ZNF573: variants seen among roughly 807,000 people sequenced by gnomAD.
ZNF573 encodes the protein zinc finger protein 573.
In ZNF573, 41 loss-of-function variants were observed where a neutral mutation model predicts 57.4. The ratio of observed to expected loss-of-function variants is 0.71; its 90% CI spans 0.56 to 0.93. The LOEUF (loss-of-function observed/expected upper bound fraction) is 0.93. ZNF573 is among the 40% of genes least tolerant of loss of function. The probability of loss-of-function intolerance (pLI) is 0.00; values close to 1 mark genes in which losing one functional copy is unlikely to be tolerated. For missense variants in ZNF573, 730 were observed against 794.8 expected, an observed-to-expected ratio of 0.92 and a Z score of 0.98; for synonymous variants, 249 against 261.0, an observed-to-expected ratio of 0.95 and a Z score of 0.44.
At chr19:37,774,699 T>C (rs898055981) in intron 1 of ZNF573, among the ~76,000 whole-genome samples, 6 of 152,200 alleles carry the variant, frequency 3.9e-5, no homozygotes, top group African/African-American at 1.4e-4. Context: ...TACAATATCA[T>C]TGGATCGTTA....
At chr19:37,766,641 A>G (rs1176986332) in intron 4 of ZNF573, among the ~76,000 whole-genome samples, 1 of 152,204 alleles carries the variant, frequency 6.6e-6, no homozygotes. Context: ...CAAACTTTTA[A>G]TTCTCAGTAA....
intron 4 of ZNF573, 28 bp from the exon 5 acceptor site, chr19:37,740,222 A>T (rs746676338): frequency 2.0e-6 from 3 of 1,524,112 alleles, no homozygotes; most frequent in Non-Finnish European, 2.6e-6. Flanking sequence ...AACAAAAAAA[A>T]TTTGTATTTC....
intron 4 of ZNF573, among the ~76,000 whole-genome samples, chr19:37,755,828 T>C (rs1256160211): frequency 2.7e-5 from 3 of 110,466 alleles, no homozygotes; most frequent in African/African-American, 8.6e-5. Flanking sequence ...GCAAAATGGT[T>C]CTTCGCAAAA....
intron 2 of ZNF573, 91 bp downstream of exon 2, chr19:37,773,570 G>A (rs1286073516): frequency 4.3e-6 from 4 of 925,030 alleles, no homozygotes; most frequent in Non-Finnish European, 6.5e-6. Flanking sequence ...AACTGAAGGA[G>A]GCCTTCTTAA....
intron 4 of ZNF573, among the ~76,000 whole-genome samples, chr19:37,765,213 TTAAC>T (rs1435871390): frequency 6.6e-6 from 1 of 152,098 alleles, no homozygotes; most frequent in Non-Finnish European, 1.5e-5. Flanking sequence ...TTTTCTATCT[TTAAC>T]TGGTAAAAAG....
chr19:37,752,789 C>T (rs1055856793), intron 4 of ZNF573, among the ~76,000 whole-genome samples: 1 of 152,090 alleles, frequency 6.6e-6, no homozygotes, highest in Non-Finnish European at 1.5e-5. Flanking sequence ...CACATGCCAC[C>T]GTGCCTGGCT....
At chr19:37,766,752 A>G (rs1269995363) in intron 4 of ZNF573, among the ~76,000 whole-genome samples, 1 of 152,214 alleles carries the variant, frequency 6.6e-6, no homozygotes, top group Non-Finnish European at 1.5e-5. Flanking sequence ...TCTGTCTGGT[A>G]TGAGGGGAGC....
Position 37,771,674 on chromosome 19 carries a change from C to T in ZNF573, c.92G>A (p.Arg31Lys). Residue 31 changes from arginine to lysine, a missense_variant, in exon 3 of 5, where the codon AGG becomes AAG. Coordinates refer to ENST00000536220, the MANE Select transcript of ZNF573 (RefSeq NM_001172690.2). ...MTCFQELVTF[R>K]DVAIDFSRQE... ...CCGAGAGAAGTCTATGGCCACATCC[C>T]TGAATGTCACTAATTCCTGAAACTG... 1 of 1,592,328 alleles carries T rather than the reference C, an allele frequency of 6.3e-7. No individual in the cohort carries two copies. The highest frequency in any genetic ancestry group is 8.5e-7 in the Non-Finnish European group (1 of 1,173,796).
intron 4 of ZNF573, among the ~76,000 whole-genome samples, chr19:37,744,611 T>C (rs2045360371): frequency 6.6e-6 from 1 of 151,592 alleles, no homozygotes; most frequent in Admixed American, 6.6e-5. Flanking sequence ...CATGGTGGCA[T>C]GCACTTGTGG....
chr19:37,758,199 T>TAAAAAAAAA lies in ZNF573; in HGVS notation c.295+11805_295+11806insTTTTTTTTT, dbSNP rs1224494420. Among the ~76,000 whole-genome samples the TAAAAAAAAA allele has an allele frequency of 5.5e-3, 65 of 11,880 alleles. 15 individuals carry two copies. Among genetic ancestry groups the TAAAAAAAAA allele is most frequent in the Non-Finnish European group, 0.011 (41 of 3,706 alleles). The allele number at this position is 11,880 out of a possible 152,430, so 7.8% of individuals were successfully genotyped here. The stretch of plus-strand genomic sequence containing the variant: ...ATGTACCCTAGAACTTAAAGTATAA[T>TAAAAAAAAA]AAAATATATATATATATATATATAT... On this transcript the variant is annotated intron_variant, in intron 4 of 4. Coordinates refer to ENST00000536220, the MANE Select transcript of ZNF573 (RefSeq NM_001172690.2).
chr19:37,771,593 AACATC>A lies in ZNF573; in HGVS notation c.168_172del (p.Met57GlyfsTer4). 1.9e-6 allele frequency: 3 copies of A among 1,609,114 alleles called. No homozygotes were observed. Among genetic ancestry groups the A allele is most frequent in the Non-Finnish European group, 2.5e-6 (3 of 1,177,948 alleles). ...TGATACCAGGTTTCTATAGTTCTCC[AACATC>A]ACATCCCTGTATAAGTCCCTCTGAT... On this transcript the variant is annotated frameshift_variant, in exon 3 of 5. Transcript: ENST00000536220. LOFTEE classifies it high-confidence loss of function.
rs117544676 is a variant in ZNF573 at position 37,738,653 on chromosome 19, T to C, written c.1837A>G (p.Lys613Glu). ...CGACTGAAGGCCTTCCCACATTCTT[T>C]ACATTCATAAGGTTTTCCACCAGTA... ...IHTGGKPYEC[K>E]ECGKAFSRAS... is the part of the protein sequence containing the mutation. The change falls in exon 5 of 5, where the codon AAA becomes GAA. Residue 613 changes from lysine to glutamate, a missense_variant. Coordinates refer to ENST00000536220, the MANE Select transcript of ZNF573 (RefSeq NM_001172690.2). The C allele has an allele frequency of 1.1e-3, 1,703 of 1,610,884 alleles. 49 individuals are homozygous for C. The East Asian group carries it at 0.035, about 33-fold the overall frequency.
In ZNF573 at chr19:37,738,931, T is replaced by G. The variant is rs747633696; in HGVS notation, c.1559A>C (p.His520Pro). Residue 520 changes from histidine (H) to proline (P), a missense_variant, in exon 5 of 5, where the codon CAT (histidine) becomes CCT (proline). By Grantham distance (77) the His-to-Pro change is moderately conservative (BLOSUM62 -2). Transcript: ENST00000536220. ...HGYLNQHQKIHTGMKPYECKV... is the reference protein window; with the variant it reads ...HGYLNQHQKIPTGMKPYECKV... Reference sequence around the variant, plus strand: ...ACATTCATAGGGTTTCATACCAGTATGAATTTTCTGATGTTGATTAAGATA... The same window carrying G: ...ACATTCATAGGGTTTCATACCAGTAGGAATTTTCTGATGTTGATTAAGATA... 6.2e-7 allele frequency: 1 copy of G among 1,610,618 alleles called. No individual in the cohort carries two copies. The highest frequency in any genetic ancestry group is 8.5e-7 in the Non-Finnish European group (1 of 1,176,986).
In ZNF573 at chr19:37,759,395, G is replaced by C. The variant is rs894912913; in HGVS notation, c.295+10610C>G. On this transcript the variant is annotated intron_variant, in intron 4 of 4. Transcript: ENST00000536220. ...ATACAAACATAGATTTAGTTTTAAG[G>C]GTTTTTAAAAACTATCATTTTTCAA... Among the ~76,000 whole-genome samples the C allele has an allele frequency of 1.2e-4, 18 of 151,956 alleles. No homozygotes were observed. In the East Asian group the frequency reaches 2.7e-3, roughly 23 times the overall value.
chr19:37,746,722 T>C (rs1312532219), intron 4 of ZNF573, among the ~76,000 whole-genome samples: 1 of 152,096 alleles, frequency 6.6e-6, no homozygotes, highest in Non-Finnish European at 1.5e-5. Flanking sequence ...TGGCATTATG[T>C]ACAGACCCGC....
chr19:37,758,039 G>A (rs545595550), intron 4 of ZNF573, among the ~76,000 whole-genome samples: 8 of 149,980 alleles, frequency 5.3e-5, no homozygotes, highest in Admixed American at 2.0e-4. Flanking sequence ...ACCACACACC[G>A]GGGCCTGTTG....
intron 4 of ZNF573, among the ~76,000 whole-genome samples, chr19:37,755,928 C>T (rs1320636752): frequency 6.6e-6 from 1 of 151,758 alleles, no homozygotes; most frequent in Non-Finnish European, 1.5e-5. Flanking sequence ...GGAAATTAAT[C>T]ACTTTTATAA....
chr19:37,757,018 G>A (rs1169493261), intron 4 of ZNF573, among the ~76,000 whole-genome samples: 1 of 151,566 alleles, frequency 6.6e-6, no homozygotes, highest in African/African-American at 2.4e-5. Context: ...CTGAACTAGT[G>A]TTCCCACATA....
chr19:37,771,951 G>A (rs2045663340), intron 2 of ZNF573, among the ~76,000 whole-genome samples: 1 of 152,084 alleles, frequency 6.6e-6, no homozygotes, highest in South Asian at 2.1e-4. Context: ...CAATAATTCA[G>A]ACCTGCTGAG....
Sources: gnomAD v4.1 joint callset for allele counts (sites outside exome capture counted in the v4.1 genomes callset) on GRCh38, gnomAD v4.1.1 for gene constraint, MANE v1.5 for transcripts, NCBI Gene and HGNC (gene_info 2026-07-23, HGNC 2026-07-21) for gene names.